The following ANO6 variants were observed in gnomAD, a reference collection of about 807,000 sequenced individuals.
The protein encoded by ANO6 is anoctamin-6.
Under a neutral mutation model 117.5 loss-of-function variants are expected in ANO6, and 106 were observed. That is an observed-to-expected ratio of 0.90 (90% CI 0.77 to 1.06). The LOEUF (loss-of-function observed/expected upper bound fraction) is 1.06. Among genes scored for constraint, ANO6 ranks in the 50% least tolerant of loss-of-function variants. ANO6 has a pLI of 0.00. For synonymous variants in ANO6, 367 were observed against 385.1 expected (o/e 0.95, Z 0.55); for missense variants, 955 against 1,121.1 (o/e 0.85, Z 2.12).
At chr12:45,340,396 G>C (rs928479447) in intron 3 of ANO6, among the ~76,000 whole-genome samples, 2 of 152,056 alleles carry the variant, frequency 1.3e-5, no homozygotes, top group Non-Finnish European at 2.9e-5. Flanking sequence ...CAGTCACTTT[G>C]GCTTTACTAG....
In ANO6 at chr12:45,323,350, A is replaced by G. The variant is rs186681566; in HGVS notation, c.151-7945A>G. ...CAAAGCATGTTAGAAGCAGCAGGTA[A>G]TAGGGTAACACAACACCTATTAAAG... On this transcript the variant is annotated intron_variant, in intron 2 of 19. Transcript: ENST00000320560. Among the ~76,000 whole-genome samples the G allele has an allele frequency of 5.8e-4, 89 of 152,324 alleles. No homozygotes were observed. In the Middle Eastern group the frequency reaches 0.01, roughly 17 times the overall value.
rs1481411990 is a variant in ANO6 at position 45,372,485 on chromosome 12, G to C, written c.1104+4692G>C. Among the ~76,000 whole-genome samples, 5 of 142,580 alleles carry C rather than the reference G, an allele frequency of 3.5e-5. No homozygotes were observed. In the South Asian group the frequency reaches 9.9e-4, roughly 28 times the overall value. 93.5% of individuals were successfully genotyped at this position (142,580 alleles called of 152,430 possible). ...AGAAAGGTCGGGTTACCCTCAAAGGGAAGCCCATCAGACTAACAGCGGATC... is the reference window on the plus strand; with the variant it reads ...AGAAAGGTCGGGTTACCCTCAAAGGCAAGCCCATCAGACTAACAGCGGATC... On this transcript the variant is annotated intron_variant, in intron 9 of 19. Transcript: ENST00000320560.
chr12:45,409,231 A>G lies in ANO6; in HGVS notation c.1881-126A>G, dbSNP rs1294722348. On this transcript the variant is annotated intron_variant, in intron 15 of 19. Transcript: ENST00000320560. ...AGGAGGCAGAAATAAAAACAAATTT[A>G]GCATGCAAACAAAAAAATAGTTTAT... 6 of 1,257,600 alleles carry G rather than the reference A, an allele frequency of 4.8e-6. No individual in the cohort carries two copies. The Middle Eastern group carries it at 8.7e-4, about 181-fold the overall frequency. The allele number at this position is 1,257,600 out of a possible 1,614,324, so 77.9% of individuals were successfully genotyped here. A position where few individuals can be genotyped will look rare whatever the true frequency, so the allele number is the denominator to read the frequency against.
At chr12:45,415,068 CT>C (rs34123896) in intron 16 of ANO6, among the ~76,000 whole-genome samples, 18,963 of 151,930 alleles carry the variant, frequency 0.12, 1,643 homozygotes, top group East Asian at 0.36. Flanking sequence ...GACCTGTCAG[CT>C]TTTTTTTCTT....
At chr12:45,301,098 A>T (rs1592935985) in intron 1 of ANO6, among the ~76,000 whole-genome samples, 1 of 152,230 alleles carries the variant, frequency 6.6e-6, no homozygotes, top group East Asian at 1.9e-4. Flanking sequence ...TGAGTATAAA[A>T]TATACACTGG....
chr12:45,335,686 A>G (rs1338425160), intron 3 of ANO6: 1 of 152,052 alleles, frequency 6.6e-6, no homozygotes, highest in Non-Finnish European at 1.5e-5. Context: ...AAATACTTCT[A>G]GTTCCAAGCA....
At chr12:45,394,854 G>A (rs995638055) in intron 12 of ANO6, among the ~76,000 whole-genome samples, 6 of 152,194 alleles carry the variant, frequency 3.9e-5, no homozygotes, top group African/African-American at 1.2e-4. Flanking sequence ...AGTGTGTAGA[G>A]GGAAATTTAT....
intron 1 of ANO6, among the ~76,000 whole-genome samples, chr12:45,285,475 GGCTCAC>G (rs1938878651): frequency 6.6e-6 from 1 of 152,240 alleles, no homozygotes; most frequent in African/African-American, 2.4e-5. Context: ...CGGGGGCGGT[GGCTCAC>G]GCCTGTAATC....
In ANO6 at chr12:45,403,131, C is replaced by T. The variant is rs1476352960; in HGVS notation, c.1672C>T (p.Gln558Ter). 1 of 1,613,968 alleles carries T rather than the reference C, an allele frequency of 6.2e-7. No homozygotes were observed. The highest frequency in any genetic ancestry group is 2.2e-5 in the East Asian group (1 of 44,838). ...NSLTMKMFLFQFVNYYSSCFY... is the reference protein window; with the variant it reads ...NSLTMKMFLF ...CCTCACCATGAAGATGTTCTTATTC[C>T]AGTTTGTCAACTACTACTCTTCATG... The change falls in exon 14 of 20, where the codon CAG becomes TAG. Residue 558 changes from glutamine to a stop codon, truncating the protein, a stop_gained. Coordinates refer to ENST00000320560, the MANE Select transcript of ANO6 (RefSeq NM_001025356.3). LOFTEE classifies it high-confidence loss of function.
chr12:45,438,383 T>C (rs74081821), intron 19 of ANO6, among the ~76,000 whole-genome samples: 7,632 of 152,172 alleles, frequency 0.05, 352 homozygotes, highest in African/African-American at 0.12. Context: ...GCAATACAGA[T>C]TGAGCATCCC....
At chr12:45,293,818 C>T (rs1473450513) in intron 1 of ANO6, among the ~76,000 whole-genome samples, 1 of 144,976 alleles carries the variant, frequency 6.9e-6, no homozygotes, top group Non-Finnish European at 1.5e-5. Flanking sequence ...CTCCTGACCT[C>T]ATGATCCACC....
intron 19 of ANO6, among the ~76,000 whole-genome samples, chr12:45,427,290 T>A (rs1235912848): frequency 6.6e-6 from 1 of 152,078 alleles, no homozygotes; most frequent in Non-Finnish European, 1.5e-5. Context: ...GTCCTCACAG[T>A]GGCACACAAG....
At chr12:45,397,481 C>A (rs1483412225) in intron 12 of ANO6, among the ~76,000 whole-genome samples, 1 of 152,196 alleles carries the variant, frequency 6.6e-6, no homozygotes, top group Non-Finnish European at 1.5e-5. Context: ...AATCCCATTA[C>A]TGGGTATATA....
intron 19 of ANO6, among the ~76,000 whole-genome samples, chr12:45,427,121 CTA>C (rs1329775505): frequency 6.6e-6 from 1 of 152,122 alleles, no homozygotes; most frequent in African/African-American, 2.4e-5. Context: ...AACCCTAATG[CTA>C]TATCCAATCT....
chr12:45,372,055 G>C (rs550686056), intron 9 of ANO6, among the ~76,000 whole-genome samples: 3 of 151,980 alleles, frequency 2.0e-5, no homozygotes, highest in African/African-American at 4.8e-5. Flanking sequence ...CGAGAACTAC[G>C]TGAAGAATGC....
chr12:45,427,551 T>G (rs1272249060), intron 19 of ANO6, among the ~76,000 whole-genome samples: 3 of 152,180 alleles, frequency 2.0e-5, no homozygotes, highest in Non-Finnish European at 4.4e-5. Flanking sequence ...TTCAAAGTAC[T>G]CATCACTTTT....
intron 15 of ANO6, among the ~76,000 whole-genome samples, chr12:45,403,928 AAGTC>A (rs1942866299): frequency 6.6e-6 from 1 of 152,144 alleles, no homozygotes; most frequent in Admixed American, 6.5e-5. Context: ...ATGCATTTAA[AAGTC>A]AGTATGAATT....
At chr12:45,264,383 C>G (rs750222478) in intron 1 of ANO6, among the ~76,000 whole-genome samples, 1 of 152,094 alleles carries the variant, frequency 6.6e-6, no homozygotes, top group African/African-American at 2.4e-5. Context: ...GTTGATTGTT[C>G]TCTTCATCTT....
chr12:45,249,462 C>T (rs960549402), intron 1 of ANO6, among the ~76,000 whole-genome samples: 2 of 151,910 alleles, frequency 1.3e-5, no homozygotes, highest in African/African-American at 4.8e-5. Context: ...TCAAAAAATC[C>T]TTTTGGTGTA....
Sources: gnomAD v4.1 joint callset for allele counts (sites outside exome capture counted in the v4.1 genomes callset) on GRCh38, gnomAD v4.1.1 for gene constraint, MANE v1.5 for transcripts, NCBI Gene and HGNC (gene_info 2026-07-23, HGNC 2026-07-21) for gene names.